ARMC9: variants seen among roughly 807,000 people sequenced by gnomAD.
ARMC9 encodes lisH domain-containing protein ARMC9.
ARMC9 carries 94 observed loss-of-function variants against 107.0 expected under a neutral mutation model. The ratio of observed to expected loss-of-function variants is 0.88; its 90% CI spans 0.74 to 1.04. The LOEUF is 1.04. Among genes scored for constraint, ARMC9 ranks in the 50% least tolerant of loss-of-function variants. The probability of loss-of-function intolerance (pLI) is 0.00; values close to 1 mark genes in which losing one functional copy is unlikely to be tolerated. For synonymous variants in ARMC9, 380 were observed against 396.9 expected (o/e 0.96, Z 0.51); for missense variants, 942 against 1,030.1 (o/e 0.91, Z 1.17).
intron 7 of ARMC9, among the ~76,000 whole-genome samples, chr2:231,231,567 A>G (rs2035219433): frequency 6.6e-6 from 1 of 151,850 alleles, no homozygotes; most frequent in African/African-American, 2.4e-5. Context: ...TACTTTTAGT[A>G]GAGACGGGAT....
chr2:231,249,028 G>T (rs1308552727), intron 9 of ARMC9, among the ~76,000 whole-genome samples: 1 of 152,150 alleles, frequency 6.6e-6, no homozygotes, highest in Non-Finnish European at 1.5e-5. Flanking sequence ...ACAGTGCTCT[G>T]TTAGTCCAGG....
At chr2:231,305,311 A>G (rs983286293) in intron 19 of ARMC9, among the ~76,000 whole-genome samples, 12 of 152,226 alleles carry the variant, frequency 7.9e-5, no homozygotes, top group African/African-American at 2.7e-4. Flanking sequence ...CTTTTGTATC[A>G]TGAGTGGAAA....
intron 11 of ARMC9, among the ~76,000 whole-genome samples, chr2:231,261,282 A>T (rs970197215): frequency 3.3e-5 from 5 of 152,180 alleles, no homozygotes; most frequent in African/African-American, 1.2e-4. Context: ...CATACCCGTT[A>T]TACATGCTCT....
rs2045519233 is a variant in ARMC9, at chr2:231,360,380, A to G, written c.2132-374A>G. On this transcript the variant is annotated intron_variant, in intron 22 of 24. Coordinates refer to ENST00000611582, the MANE Select transcript of ARMC9 (RefSeq NM_001352754.2). The surrounding 1 kb of genome is among the most constrained non-coding windows in gnomAD (Gnocchi z 4.7). Reference sequence around the variant, plus strand: ...ATAAAACTACACACCACCCAGTTACATTTGAGTTTCAGATAAGCAAATGGG... The same window carrying G: ...ATAAAACTACACACCACCCAGTTACGTTTGAGTTTCAGATAAGCAAATGGG... 6.6e-6 allele frequency among the ~76,000 whole-genome samples: 1 copy of G among 152,190 alleles called. No individual in the cohort carries two copies. The highest frequency in any genetic ancestry group is 2.4e-5 in the African/African-American group (1 of 41,450).
intron 19 of ARMC9, among the ~76,000 whole-genome samples, chr2:231,316,386 C>T (rs143461947): frequency 5.5e-4 from 83 of 151,948 alleles, no homozygotes; most frequent in African/African-American, 1.7e-3. Flanking sequence ...GTTGGCAGGG[C>T]GCAGTGGTTC....
In ARMC9 at chr2:231,210,976, A is replaced by G. The variant is rs2032760559; in HGVS notation, c.177+2724A>G. Among the ~76,000 whole-genome samples, 4 of 152,154 alleles carry G rather than the reference A, an allele frequency of 2.6e-5. 1 individual carries two copies. Among genetic ancestry groups the G allele is most frequent in the African/African-American group, 9.7e-5 (4 of 41,406 alleles). On this transcript the variant is annotated intron_variant, in intron 3 of 24. Coordinates refer to ENST00000611582, the MANE Select transcript of ARMC9 (RefSeq NM_001352754.2). ...TCTGTCTATGAATTGGCTACTTTAG[A>G]TATGTCATATAAATGGAATTATGCA...
chr2:231,294,876 A>T (rs1425518268), intron 18 of ARMC9: 1 of 152,244 alleles, frequency 6.6e-6, no homozygotes, highest in African/African-American at 2.4e-5. Flanking sequence ...ACTAAATGGC[A>T]TTCCACAACA....
In ARMC9 at chr2:231,358,711, T is replaced by C. The variant is rs192586502; in HGVS notation, c.2132-2043T>C. Among the ~76,000 whole-genome samples, 3 of 152,272 alleles carry C rather than the reference T, an allele frequency of 2.0e-5. No individual in the cohort carries two copies. The highest frequency in any genetic ancestry group is 1.3e-4 in the Admixed American group (2 of 15,294). On this transcript the variant is annotated intron_variant, in intron 22 of 24. Transcript: ENST00000611582. The surrounding 1 kb of genome is among the most constrained non-coding windows in gnomAD (Gnocchi z 4.5). ...CAGTCAGCACCGCAGGGAAAACTCA[T>C]GAGGAGGAACCTGTTGGACCCTCAA...
At chr2:231,352,282 G>T (rs79573954) in intron 21 of ARMC9, among the ~76,000 whole-genome samples, 12,210 of 151,172 alleles carry the variant, frequency 0.081, 1,471 homozygotes, top group African/African-American at 0.26. Context: ...TACTTTTGGA[G>T]CCAGTAATTC....
chr2:231,331,824 A>G lies in ARMC9; in HGVS notation c.1805A>G (p.Asp602Gly), dbSNP rs1192838388. 6.2e-7 allele frequency: 1 copy of G among 1,613,934 alleles called. No individual in the cohort carries two copies. Among genetic ancestry groups the G allele is most frequent in the Admixed American group, 1.7e-5 (1 of 59,996 alleles). ...EDHDIMEADL[D>G]KDELIQPQLG... ...CATGACATCATGGAAGCCGATCTGG[A>G]CAAAGACGAACTGATCCAGCCCCAG... Residue 602 changes from aspartate (D) to glycine (G), a missense_variant, in exon 20 of 25, where the codon GAC becomes GGC. By Grantham distance (94) the Asp-to-Gly change is moderately conservative. Coordinates refer to ENST00000611582, the MANE Select transcript of ARMC9 (RefSeq NM_001352754.2).
In ARMC9 at chr2:231,347,819, A is replaced by G. The variant is rs1022365692; in HGVS notation, c.1994+2729A>G. On this transcript the variant is annotated intron_variant, in intron 21 of 24. Transcript: ENST00000611582. ...TTAGCATATCTAAATATTGCATAGA[A>G]AAATCCTCTCTCCCTGCCTGCCTTT... Among the ~76,000 whole-genome samples the G allele has an allele frequency of 5.9e-5, 9 of 152,224 alleles. 1 individual carries two copies. Among genetic ancestry groups the G allele is most frequent in the Admixed American group, 3.3e-4 (5 of 15,286 alleles).
At position 231,255,967 on chromosome 2, in the gene ARMC9, T is replaced by C. The variant is rs1271704530; in HGVS notation, c.880-619T>C. ...AGGCAGGAGAATGGCGTGAACCCGGTAGGCGGAGGTTGCGGTGAGCCAAGA... is the reference window on the plus strand; with the variant it reads ...AGGCAGGAGAATGGCGTGAACCCGGCAGGCGGAGGTTGCGGTGAGCCAAGA... On this transcript the variant is annotated intron_variant, in intron 9 of 24. Transcript: ENST00000611582. The surrounding 1 kb of genome is among the most constrained non-coding windows in gnomAD (Gnocchi z 4.7). 8.3e-6 allele frequency: 7 copies of C among 841,038 alleles called. No homozygotes were observed. Among genetic ancestry groups the C allele is most frequent in the South Asian group, 1.8e-5 (1 of 54,906 alleles). The allele number at this position is 841,038 out of a possible 1,614,324, so 52.1% of individuals were successfully genotyped here.
At chr2:231,296,874 G>A (rs548715841) in intron 19 of ARMC9, among the ~76,000 whole-genome samples, 35 of 152,318 alleles carry the variant, frequency 2.3e-4, no homozygotes, top group African/African-American at 8.2e-4. Flanking sequence ...TTTTCCTTCA[G>A]ATACCTAGGA....
intron 10 of ARMC9, among the ~76,000 whole-genome samples, chr2:231,256,904 G>T (rs562134104): frequency 6.6e-6 from 1 of 152,250 alleles, no homozygotes; most frequent in African/African-American, 2.4e-5. Flanking sequence ...CAGCTCACCA[G>T]AACCTCCGCC....
chr2:231,269,726 C>T (rs1488277980), intron 12 of ARMC9, among the ~76,000 whole-genome samples: 2 of 152,080 alleles, frequency 1.3e-5, no homozygotes, highest in Admixed American at 6.5e-5. Context: ...TCTGTTGACA[C>T]TTTTATTTCC....
At chr2:231,299,020 C>T (rs1034623578) in intron 19 of ARMC9, among the ~76,000 whole-genome samples, 3 of 152,110 alleles carry the variant, frequency 2.0e-5, no homozygotes, top group Admixed American at 1.3e-4. Context: ...GAAATCTGTG[C>T]GCTCACAACT....
chr2:231,240,080 TC>T, intron 9 of ARMC9, 39 bp downstream of exon 9: 1 of 1,497,620 alleles, frequency 6.7e-7, no homozygotes, highest in Admixed American at 1.8e-5. Flanking sequence ...CCGTGGTCTA[TC>T]CCCCCAAATT....
chr2:231,204,414 T>C (rs1388328100), intron 1 of ARMC9, among the ~76,000 whole-genome samples: 1 of 152,132 alleles, frequency 6.6e-6, no homozygotes, highest in African/African-American at 2.4e-5. Context: ...CAAAGCCATC[T>C]TCCCCAGATC....
At chr2:231,272,159 G>A (rs1008657411) in intron 13 of ARMC9, among the ~76,000 whole-genome samples, 1 of 145,254 alleles carries the variant, frequency 6.9e-6, no homozygotes, top group Non-Finnish European at 1.5e-5. Flanking sequence ...TAAGTTTTGT[G>A]GGGGTTTTGT....
Sources: allele counts gnomAD v4.1 joint callset (sites outside exome capture counted in the v4.1 genomes callset), GRCh38; gene constraint gnomAD v4.1.1; non-coding constraint Gnocchi (gnomAD v3.1); transcripts MANE v1.5; gene names NCBI Gene and HGNC (gene_info 2026-07-23, HGNC 2026-07-21).